Variants in TPX2 observed in about 807,000 individuals in gnomAD.
TPX2 encodes the protein TPX2 microtubule nucleation factor.
Under a neutral mutation model 93.6 loss-of-function variants are expected in TPX2, and 21 were observed. The observed-to-expected ratio is 0.22, with a 90% confidence interval of 0.16 to 0.32. TPX2 has a LOEUF of 0.32. Among genes scored for constraint, TPX2 ranks in the 10% least tolerant of loss-of-function variants. The pLI is 1.00. For synonymous variants in TPX2, 281 were observed against 298.3 expected, an observed-to-expected ratio of 0.94 and a Z score of 0.60; for missense variants, 776 against 871.1, an observed-to-expected ratio of 0.89 and a Z score of 1.37.
At chr20:31,768,730 G>A (rs1336127933) in intron 5 of TPX2, among the ~76,000 whole-genome samples, 1 of 152,090 alleles carries the variant, frequency 6.6e-6, no homozygotes, top group East Asian at 1.9e-4. Context: ...AGTATACAAA[G>A]AATTACAAAT....
In TPX2 at chr20:31,766,702, A is replaced by G. The variant is rs773176043; in HGVS notation, c.356+20A>G. 11 of 1,606,940 alleles carry G rather than the reference A, an allele frequency of 6.8e-6. No homozygotes were observed. Among genetic ancestry groups the G allele is most frequent in the Non-Finnish European group, 9.3e-6 (11 of 1,176,972 alleles). On this transcript the variant is annotated intron_variant, in intron 5 of 17. Transcript: ENST00000300403. ...TCAGAGGTAAGACTTTGGAATCTCA[A>G]AGTGGTGGTTATGATAATAATGTTC...
chr20:31,786,621 C>T (rs545550957), intron 12 of TPX2, among the ~76,000 whole-genome samples: 55 of 152,154 alleles, frequency 3.6e-4, no homozygotes, highest in Non-Finnish European at 7.2e-4. Flanking sequence ...CCAGGCTGGT[C>T]TTGAGCTCGT....
intron 11 of TPX2, among the ~76,000 whole-genome samples, chr20:31,783,490 A>G (rs1568599918): frequency 6.6e-6 from 1 of 152,084 alleles, no homozygotes; most frequent in Admixed American, 6.6e-5. Flanking sequence ...ACCTCAAATT[A>G]TCTGCTCACC....
intron 9 of TPX2, 142 bp downstream of exon 9, chr20:31,777,780 C>CTTTT: frequency 3.1e-6 from 2 of 654,778 alleles, no homozygotes; most frequent in Non-Finnish European, 2.2e-6. Flanking sequence ...TATAACAGAT[C>CTTTT]TTTTTTTTTT....
intron 12 of TPX2, among the ~76,000 whole-genome samples, chr20:31,791,323 G>A (rs1273407026): frequency 6.6e-6 from 1 of 152,038 alleles, no homozygotes; most frequent in African/African-American, 2.4e-5. Flanking sequence ...TTGCTCTGTC[G>A]CCCAGGCTGG....
At chr20:31,771,504 G>T in intron 6 of TPX2, 56 bp from the exon 7 acceptor site, 1 of 1,580,084 alleles carries the variant, frequency 6.3e-7, no homozygotes, top group Non-Finnish European at 8.6e-7. Context: ...GGGGAGGAGG[G>T]TACAGGCTAT....
At chr20:31,782,814 G>A (rs539618943) in intron 11 of TPX2, among the ~76,000 whole-genome samples, 2 of 151,976 alleles carry the variant, frequency 1.3e-5, no homozygotes, top group South Asian at 4.2e-4. Context: ...GGAGGTCAAT[G>A]CTTCAGTGAG....
chr20:31,793,963 C>G lies in TPX2; in HGVS notation c.1625C>G (p.Ser542Cys), dbSNP rs1392399250. ...GAAATATGCCCTTTCTCGTTTGATT[C>G]TCGAGACAAAGAACGTCAGTTACAG... ...TVEICPFSFD[S>C]RDKERQLQKE... is the part of the protein sequence containing the mutation. Residue 542 changes from serine to cysteine, a missense_variant, in exon 14 of 18, where the codon TCT becomes TGT. By Grantham distance (112) the Ser-to-Cys change is moderately radical (BLOSUM62 -1). Coordinates refer to ENST00000300403, the MANE Select transcript of TPX2 (RefSeq NM_012112.5). 6 of 1,613,642 alleles carry G rather than the reference C, an allele frequency of 3.7e-6. No individual in the cohort carries two copies. Among genetic ancestry groups the G allele is most frequent in the Non-Finnish European group, 5.1e-6 (6 of 1,179,872 alleles).
chr20:31,749,811 A>T (rs2061807466), intron 2 of TPX2, among the ~76,000 whole-genome samples: 1 of 152,186 alleles, frequency 6.6e-6, no homozygotes, highest in African/African-American at 2.4e-5. Context: ...AAAAGAAAAA[A>T]GTTAATAGCT....
intron 2 of TPX2, among the ~76,000 whole-genome samples, chr20:31,756,812 A>G (rs1321013414): frequency 6.6e-6 from 1 of 151,998 alleles, no homozygotes; most frequent in East Asian, 1.9e-4. Flanking sequence ...TTTTAAGTAC[A>G]GAAGAGGTTT....
rs971147084 is a variant in TPX2 at position 31,772,128 on chromosome 20, C to A, written c.608+446C>A. On this transcript the variant is annotated intron_variant, in intron 7 of 17. Coordinates refer to ENST00000300403, the MANE Select transcript of TPX2 (RefSeq NM_012112.5). ...CTCTGCCTCCCGAGTTCAAACAATTCTCCTGCCTCAGCCTCCCGAGTAGCC... is the reference window on the plus strand; with the variant it reads ...CTCTGCCTCCCGAGTTCAAACAATTATCCTGCCTCAGCCTCCCGAGTAGCC... Among the ~76,000 whole-genome samples the A allele has an allele frequency of 1.1e-4, 17 of 150,146 alleles. No homozygotes were observed. The South Asian group carries it at 1.3e-3, about 11-fold the overall frequency.
intron 12 of TPX2, among the ~76,000 whole-genome samples, chr20:31,788,348 G>A (rs147193699): frequency 0.024 from 3,560 of 151,116 alleles, 70 homozygotes; most frequent in Middle Eastern, 0.048. Context: ...AACCCAGGAG[G>A]TGGAGGTTGC....
intron 2 of TPX2, among the ~76,000 whole-genome samples, chr20:31,748,266 C>T (rs1433509365): frequency 5.3e-5 from 8 of 152,036 alleles, no homozygotes; most frequent in Non-Finnish European, 2.9e-5. Flanking sequence ...CCGTTTGTTC[C>T]CCACTAATCA....
At position 31,801,380 on chromosome 20, in the gene TPX2, T is replaced by C; in HGVS notation, c.*300T>C. ...TATGGGTCTTCACTCTGACTAGAAT[T>C]TAGTCTCTGTGTCAGCACAGTGTAA... On this transcript the variant is annotated 3_prime_UTR_variant, in exon 18 of 18. Coordinates refer to ENST00000300403, the MANE Select transcript of TPX2 (RefSeq NM_012112.5). 1 of 293,392 alleles carries C rather than the reference T, an allele frequency of 3.4e-6. No homozygotes were observed. The highest frequency in any genetic ancestry group is 6.4e-6 in the Non-Finnish European group (1 of 155,276). The allele number at this position is 293,392 out of a possible 1,614,324, so 18.2% of individuals were successfully genotyped here.
In TPX2 at chr20:31,777,516, G is replaced by A. The variant is rs1278409271; in HGVS notation, c.760G>A (p.Val254Ile). The A allele has an allele frequency of 6.2e-7, 1 of 1,613,944 alleles. No homozygotes were observed. The highest frequency in any genetic ancestry group is 8.5e-7 in the Non-Finnish European group (1 of 1,179,912). The part of the protein sequence containing the change: ...GQPVKKSVSQ[V>I]TKSVDFHFRT... ...ACCTGTGAAGAAATCAGTGAGCCAG[G>A]TCACCAAATCAGTTGACTTCCACTT... The change falls in exon 9 of 18, where the codon GTC becomes ATC. Residue 254 changes from valine (V) to isoleucine (I), a missense_variant. Physicochemically the swap from Val to Ile is conservative, Grantham distance 29 (BLOSUM62 3). Around this residue, in one of 3 missense-constraint regions of TPX2, gnomAD observed 279 missense variants for 261.6 expected, o/e 1.07. Coordinates refer to ENST00000300403, the MANE Select transcript of TPX2 (RefSeq NM_012112.5).
intron 11 of TPX2, among the ~76,000 whole-genome samples, 181 bp from the exon 12 acceptor site, chr20:31,783,524 T>TATA (rs1475884876): frequency 3.0e-4 from 46 of 152,328 alleles, no homozygotes; most frequent in African/African-American, 1.1e-3. Context: ...GTGCTGGGAT[T>TATA]ACGGGCATGA....
At chr20:31,777,305 T>C (rs1407004487) in intron 8 of TPX2, among the ~76,000 whole-genome samples, 182 bp from the exon 9 acceptor site, 1 of 152,246 alleles carries the variant, frequency 6.6e-6, no homozygotes, top group Non-Finnish European at 1.5e-5. Flanking sequence ...CTAATAGTAC[T>C]CAGTGAATAT....
At chr20:31,799,897 CAAAAAAA>C (rs533016889) in intron 17 of TPX2, among the ~76,000 whole-genome samples, 16 of 63,988 alleles carry the variant, frequency 2.5e-4, no homozygotes, top group African/African-American at 9.0e-4. Context: ...GAGACTGTCT[CAAAAAAA>C]AAAAAAAAAA....
At chr20:31,791,069 A>T (rs1318618121) in intron 12 of TPX2, among the ~76,000 whole-genome samples, 1 of 152,110 alleles carries the variant, frequency 6.6e-6, no homozygotes, top group Non-Finnish European at 1.5e-5. Context: ...GATAGGAACC[A>T]TTTGGGGAGC....
Sources: allele counts gnomAD v4.1 joint callset (sites outside exome capture counted in the v4.1 genomes callset), GRCh38; gene constraint gnomAD v4.1.1; regional missense constraint gnomAD v4.1.1; transcripts MANE v1.5; gene names NCBI Gene and HGNC (gene_info 2026-07-23, HGNC 2026-07-21).